Variants in RPTOR observed in about 807,000 individuals in gnomAD.
RPTOR encodes the protein regulatory-associated protein of mTOR.
RPTOR carries 21 observed loss-of-function variants against 169.9 expected under a neutral mutation model. The ratio of observed to expected loss-of-function variants is 0.12; its 90% confidence interval spans 0.09 to 0.18. The LOEUF (loss-of-function observed/expected upper bound fraction) is 0.18. Among genes scored for constraint, RPTOR ranks in the 10% least tolerant of loss-of-function variants. RPTOR has a pLI of 1.00. For missense variants in RPTOR, 1,133 were observed against 1,855.9 expected, an observed-to-expected ratio of 0.61 and a Z score of 7.16; for synonymous variants, 732 against 753.2, an observed-to-expected ratio of 0.97 and a Z score of 0.46.
At chr17:80,547,865 C>T (rs922926464) in intron 1 of RPTOR, among the ~76,000 whole-genome samples, 1 of 152,152 alleles carries the variant, frequency 6.6e-6, no homozygotes, top group African/African-American at 2.4e-5. Flanking sequence ...GTGTGTGTGA[C>T]AGTTTCTGGA....
At chr17:80,945,374 C>G (rs2069088408) in intron 25 of RPTOR, among the ~76,000 whole-genome samples, 1 of 152,082 alleles carries the variant, frequency 6.6e-6, no homozygotes, top group Non-Finnish European at 1.5e-5. Flanking sequence ...GGGCAGATCA[C>G]AAGGTCAGGA....
chr17:80,599,598 A>G (rs1025397036), intron 1 of RPTOR, among the ~76,000 whole-genome samples: 4 of 152,182 alleles, frequency 2.6e-5, no homozygotes, highest in African/African-American at 9.7e-5. Flanking sequence ...AATAGGGTCT[A>G]GTATTTTAGC....
At chr17:80,711,236 T>A (rs1441588002) in intron 4 of RPTOR, among the ~76,000 whole-genome samples, 1 of 152,222 alleles carries the variant, frequency 6.6e-6, no homozygotes, top group Non-Finnish European at 1.5e-5. Context: ...TGTTGATTAT[T>A]CCTGTGAGGA....
At chr17:80,875,891 G>A (rs1351466404) in intron 13 of RPTOR, among the ~76,000 whole-genome samples, 1 of 131,266 alleles carries the variant, frequency 7.6e-6, no homozygotes, top group Non-Finnish European at 1.6e-5. Context: ...CGCAGGGTGT[G>A]TGTGTCACCT....
chr17:80,857,747 CTT>C (rs759722522), intron 12 of RPTOR, 41 bp from the exon 13 acceptor site: 1 of 1,482,550 alleles, frequency 6.7e-7, no homozygotes, highest in African/African-American at 1.4e-5. Flanking sequence ...TGCCCGTTCC[CTT>C]GCTGCGGCAC....
At chr17:80,628,280 C>G (rs1483926949) in intron 2 of RPTOR, among the ~76,000 whole-genome samples, 2 of 152,164 alleles carry the variant, frequency 1.3e-5, no homozygotes, top group African/African-American at 4.8e-5. Context: ...AAGTTTCTAT[C>G]TGGTATCATA....
In RPTOR at chr17:80,680,825, C is replaced by T. The variant is rs553597842; in HGVS notation, c.349-27016C>T. Among the ~76,000 whole-genome samples, 9 of 152,142 alleles carry T rather than the reference C, an allele frequency of 5.9e-5. No individual in the cohort carries two copies. In the South Asian group the frequency reaches 6.2e-4, roughly 11 times the overall value. ...GGTCCTGCGTGCCGAGGCAAAGATC[C>T]GCGTATAAAATCCCACGTCGCACGT... On this transcript the variant is annotated intron_variant, in intron 3 of 33. Transcript: ENST00000306801.
At chr17:80,752,621 A>T (rs1344538443) in intron 5 of RPTOR, among the ~76,000 whole-genome samples, 1 of 152,250 alleles carries the variant, frequency 6.6e-6, no homozygotes, top group African/African-American at 2.4e-5. Flanking sequence ...AAATGGCCAC[A>T]TGCAGGCAAC....
chr17:80,924,462 C>T (rs893759285), intron 23 of RPTOR, among the ~76,000 whole-genome samples: 1 of 152,148 alleles, frequency 6.6e-6, no homozygotes. Flanking sequence ...GGAGCAGGAA[C>T]GGCCATGTTG....
At chr17:80,836,359 C>G (rs945858042) in intron 9 of RPTOR, among the ~76,000 whole-genome samples, 1 of 152,246 alleles carries the variant, frequency 6.6e-6, no homozygotes, top group Non-Finnish European at 1.5e-5. Context: ...ATATTGAAAG[C>G]CTGCTATGTG....
chr17:80,963,074 GTGGGGGTCGGGGGTCGGGGGC>G lies in RPTOR; in HGVS notation c.3939+23_3939+43del. On this transcript the variant is annotated intron_variant, in intron 33 of 33. Transcript: ENST00000306801. ...CCGCACTGGGTCAGTGTGGCGGTGGGTGGGGGTCGGGGGTCGGGGGCTGGGGTAGAGGGATGGGAGGCAAGG... is the reference window on the plus strand; with the variant it reads ...CCGCACTGGGTCAGTGTGGCGGTGGGTGGGGTAGAGGGATGGGAGGCAAGG... 6.5e-7 allele frequency: 1 copy of G among 1,528,374 alleles called. No individual in the cohort carries two copies. The highest frequency in any genetic ancestry group is 8.9e-7 in the Non-Finnish European group (1 of 1,129,662). The allele number at this position is 1,528,374 out of a possible 1,614,324, so 94.7% of individuals were successfully genotyped here.
chr17:80,765,387 C>A (rs1009016900), intron 6 of RPTOR, among the ~76,000 whole-genome samples: 1 of 152,234 alleles, frequency 6.6e-6, no homozygotes, highest in African/African-American at 2.4e-5. Flanking sequence ...CTTCACTTCT[C>A]TCACCTCTGC....
At chr17:80,789,583 A>G (rs547241792) in intron 6 of RPTOR, among the ~76,000 whole-genome samples, 1 of 152,302 alleles carries the variant, frequency 6.6e-6, no homozygotes, top group Admixed American at 6.5e-5. Flanking sequence ...GAAGGTTTAC[A>G]TGAGGGTTTT....
At chr17:80,871,181 C>G (rs2068048045) in intron 13 of RPTOR, among the ~76,000 whole-genome samples, 1 of 151,422 alleles carries the variant, frequency 6.6e-6, no homozygotes, top group Non-Finnish European at 1.5e-5. Flanking sequence ...TCTCGGCTCA[C>G]TGCAACCTCT....
chr17:80,964,513 G>C lies in RPTOR; in HGVS notation c.*183G>C. On this transcript the variant is annotated 3_prime_UTR_variant, in exon 34 of 34. Coordinates refer to ENST00000306801, the MANE Select transcript of RPTOR (RefSeq NM_020761.3). ...TTGTCTGTCTTCGCTGTCGTGTCTG[G>C]AATGTCAGGGAAGGGGAGGGCTCGG... 2 of 629,290 alleles carry C rather than the reference G, an allele frequency of 3.2e-6. No individual in the cohort carries two copies. The highest frequency in any genetic ancestry group is 5.6e-6 in the Non-Finnish European group (2 of 357,336). 39.0% of individuals were successfully genotyped at this position (629,290 alleles called of 1,614,324 possible).
intron 13 of RPTOR, among the ~76,000 whole-genome samples, chr17:80,863,940 A>C (rs1004327884): frequency 1.3e-5 from 2 of 152,216 alleles, no homozygotes; most frequent in African/African-American, 4.8e-5. Flanking sequence ...AGAAAATAGC[A>C]ATAGAAACTA....
At chr17:80,943,087 A>G (rs2069053747) in intron 25 of RPTOR, among the ~76,000 whole-genome samples, 1 of 152,184 alleles carries the variant, frequency 6.6e-6, no homozygotes, top group Admixed American at 6.5e-5. Context: ...CATTGTTGGA[A>G]ACAGTAGCTC....
At chr17:80,737,347 A>G (rs2066441974) in intron 5 of RPTOR, among the ~76,000 whole-genome samples, 1 of 152,170 alleles carries the variant, frequency 6.6e-6, no homozygotes, top group Non-Finnish European at 1.5e-5. Context: ...TCTGGGCTCT[A>G]AATGACTACA....
chr17:80,596,263 C>G (rs933563346), intron 1 of RPTOR, among the ~76,000 whole-genome samples: 1 of 152,160 alleles, frequency 6.6e-6, no homozygotes, highest in Non-Finnish European at 1.5e-5. Flanking sequence ...GACCTATCAA[C>G]CCTTTTAAAT....
Sources: allele counts gnomAD v4.1 joint callset (sites outside exome capture counted in the v4.1 genomes callset), GRCh38; gene constraint gnomAD v4.1.1; transcripts MANE v1.5; gene names NCBI Gene and HGNC (gene_info 2026-07-23, HGNC 2026-07-21).